The following ZBTB20 variants were observed in gnomAD, a reference collection of about 807,000 sequenced individuals.
ZBTB20 encodes the protein zinc finger and BTB domain-containing protein 20.
Under a neutral mutation model 56.9 loss-of-function variants are expected in ZBTB20, and 9 were observed. The ratio of observed to expected loss-of-function variants is 0.16; its 90% CI spans 0.10 to 0.28. The LOEUF is 0.28. Among genes scored for constraint, ZBTB20 ranks in the 10% least tolerant of loss-of-function variants. ZBTB20 has a pLI of 1.00. For synonymous variants in ZBTB20, 417 were observed against 420.7 expected (o/e 0.99, Z 0.11); for missense variants, 655 against 1,003.0 (o/e 0.65, Z 4.69).
intron 6 of ZBTB20, among the ~76,000 whole-genome samples, chr3:114,568,248 C>T (rs185735435): frequency 1.1e-4 from 16 of 152,198 alleles, no homozygotes; most frequent in East Asian, 1.9e-4. Flanking sequence ...TTGAAGTATG[C>T]GCAAGAAAAT....
intron 4 of ZBTB20, among the ~76,000 whole-genome samples, chr3:114,819,250 G>A (rs1475845216): frequency 6.6e-6 from 1 of 151,866 alleles, no homozygotes; most frequent in Non-Finnish European, 1.5e-5. Flanking sequence ...GCTTCTGAAT[G>A]GGAAGACTGA....
In ZBTB20 at chr3:114,845,231, T is replaced by C. The variant is rs574107127; in HGVS notation, c.-416-44057A>G. On this transcript the variant is annotated intron_variant, in intron 4 of 11. Transcript: ENST00000675478. ...ACATTAGGTATCAATAAACATCTGATGGATAAATTAAAATTTCAAATAGTG... is the reference window on the plus strand; with the variant it reads ...ACATTAGGTATCAATAAACATCTGACGGATAAATTAAAATTTCAAATAGTG... Among the ~76,000 whole-genome samples the C allele has an allele frequency of 1.4e-3, 218 of 151,554 alleles. 1 individual carries two copies. Among genetic ancestry groups the C allele is most frequent in the Middle Eastern group, 6.8e-3 (2 of 294 alleles).
intron 6 of ZBTB20, among the ~76,000 whole-genome samples, chr3:114,639,741 A>C (rs145627345): frequency 6.6e-6 from 1 of 152,004 alleles, no homozygotes; most frequent in Non-Finnish European, 1.5e-5. Flanking sequence ...ACGAGTTCAT[A>C]TCTCTCTCCC....
intron 2 of ZBTB20, among the ~76,000 whole-genome samples, chr3:115,009,273 G>A (rs1274235319): frequency 2.6e-5 from 4 of 151,680 alleles, no homozygotes; most frequent in Non-Finnish European, 5.9e-5. Context: ...TAAAAATTGT[G>A]TGAGTAAAAA....
intron 5 of ZBTB20, among the ~76,000 whole-genome samples, chr3:114,704,125 GT>G (rs2063567838): frequency 6.6e-6 from 1 of 151,968 alleles, no homozygotes; most frequent in African/African-American, 2.4e-5. Context: ...TGAAAGAAAG[GT>G]TATTTTCTTA....
At chr3:115,001,988 G>T (rs2079270104) in intron 2 of ZBTB20, among the ~76,000 whole-genome samples, 1 of 151,298 alleles carries the variant, frequency 6.6e-6, no homozygotes, top group African/African-American at 2.4e-5. Flanking sequence ...CAACCCCAAG[G>T]CTTACTATAT....
At chr3:115,003,537 T>C (rs1467499748) in intron 2 of ZBTB20, among the ~76,000 whole-genome samples, 2 of 151,580 alleles carry the variant, frequency 1.3e-5, no homozygotes, top group Non-Finnish European at 3.0e-5. Context: ...ATAAAACAAC[T>C]AAGTTTAAGA....
At position 114,946,622 on chromosome 3, in the gene ZBTB20, T is replaced by C. The variant is rs138010894; in HGVS notation, c.-456+27744A>G. Among the ~76,000 whole-genome samples, 51 of 145,498 alleles carry C rather than the reference T, an allele frequency of 3.5e-4. 1 individual carries two copies. In the East Asian group the frequency reaches 7.9e-3, roughly 23 times the overall value. On this transcript the variant is annotated intron_variant, in intron 3 of 11. Transcript: ENST00000675478. ...TAAACTTGAAAAAATTGATGAAACATATAAATCCCCTGAAAAACACATATT... is the reference window on the plus strand; with the variant it reads ...TAAACTTGAAAAAATTGATGAAACACATAAATCCCCTGAAAAACACATATT...
At chr3:114,572,099 A>G (rs978877437) in intron 6 of ZBTB20, among the ~76,000 whole-genome samples, 1 of 151,554 alleles carries the variant, frequency 6.6e-6, no homozygotes, top group African/African-American at 2.4e-5. Flanking sequence ...TACTATTCTC[A>G]TCTTTCAGAT....
At chr3:115,090,467 TTTAGGG>T (rs1471330133) in intron 1 of ZBTB20, among the ~76,000 whole-genome samples, 59 of 151,848 alleles carry the variant, frequency 3.9e-4, no homozygotes, top group African/African-American at 1.3e-3. Context: ...AAATATTAGT[TTTAGGG>T]TAAGTATTAT....
At chr3:114,385,586 G>A (rs1461084165) in intron 8 of ZBTB20, among the ~76,000 whole-genome samples, 2 of 152,110 alleles carry the variant, frequency 1.3e-5, no homozygotes, top group East Asian at 1.9e-4. Flanking sequence ...AGACATTTCC[G>A]GGCAAGGGGT....
At chr3:115,146,644 G>A (rs1446630981) in intron 1 of ZBTB20, among the ~76,000 whole-genome samples, 1 of 152,144 alleles carries the variant, frequency 6.6e-6, no homozygotes, top group Non-Finnish European at 1.5e-5. Context: ...GAGACATCCA[G>A]CGGCTGTGGG....
rs184185193 is a variant in ZBTB20 at position 115,114,219 on chromosome 3, T to C, written c.-703+33000A>G. ...GAGTAAATATGTGTCATTCTCTACG[T>C]CTTGGCTTGGTTTTACACTTTGTAA... On this transcript the variant is annotated intron_variant, in intron 1 of 11. Coordinates refer to ENST00000675478, the MANE Select transcript of ZBTB20 (RefSeq NM_001348800.3). 2.3e-3 allele frequency among the ~76,000 whole-genome samples: 356 copies of C among 152,266 alleles called. 2 individuals carry two copies. The highest frequency in any genetic ancestry group is 8.4e-3 in the African/African-American group (349 of 41,540).
At position 114,795,109 on chromosome 3, in the gene ZBTB20, T is replaced by C. The variant is rs144273274; in HGVS notation, c.-343+5992A>G. Among the ~76,000 whole-genome samples the C allele has an allele frequency of 3.4e-4, 51 of 151,326 alleles. No homozygotes were observed. In the East Asian group the frequency reaches 8.4e-3, roughly 25 times the overall value. On this transcript the variant is annotated intron_variant, in intron 5 of 11. Transcript: ENST00000675478. ...AACTTGACCTTATCTTAGAAGGTTG[T>C]CAGAGATCTACTCTGTTTATGCAAG...
rs561771815 is a variant in ZBTB20 at position 114,321,992 on chromosome 3, T to C, written c.*17013A>G. ...CAGCCTCCAAGCATTTTCCTTGCCATGGGCATGGGCGTTTCAACCACTCCA... is the reference window on the plus strand; with the variant it reads ...CAGCCTCCAAGCATTTTCCTTGCCACGGGCATGGGCGTTTCAACCACTCCA... On this transcript the variant is annotated 3_prime_UTR_variant, in exon 12 of 12. Coordinates refer to ENST00000675478, the MANE Select transcript of ZBTB20 (RefSeq NM_001348800.3). 6 of 152,384 alleles carry C rather than the reference T, an allele frequency of 3.9e-5. No homozygotes were observed. The East Asian group carries it at 5.8e-4, about 15-fold the overall frequency. 9.4% of individuals were successfully genotyped at this position (152,384 alleles called of 1,614,324 possible).
intron 4 of ZBTB20, among the ~76,000 whole-genome samples, chr3:114,862,860 T>C (rs1399123424): frequency 6.6e-6 from 1 of 152,152 alleles, no homozygotes; most frequent in Non-Finnish European, 1.5e-5. Flanking sequence ...ACCCAATATA[T>C]AACCAAATCT....
intron 2 of ZBTB20, among the ~76,000 whole-genome samples, chr3:115,028,925 T>C (rs904990764): frequency 6.6e-6 from 1 of 150,630 alleles, no homozygotes; most frequent in Non-Finnish European, 1.5e-5. Flanking sequence ...AAACAAACTC[T>C]TGCTAGCACT....
chr3:114,959,689 C>CTA (rs1019086573), intron 3 of ZBTB20, among the ~76,000 whole-genome samples: 1 of 146,128 alleles, frequency 6.8e-6, no homozygotes, highest in Admixed American at 7.0e-5. Context: ...TACACACACA[C>CTA]CACACACACA....
chr3:114,828,783 C>A (rs2073688020), intron 4 of ZBTB20, among the ~76,000 whole-genome samples: 1 of 151,828 alleles, frequency 6.6e-6, no homozygotes, highest in South Asian at 2.1e-4. Flanking sequence ...AATGCTAAGT[C>A]TTTGAAGGCA....
Sources: gnomAD v4.1 joint callset for allele counts (sites outside exome capture counted in the v4.1 genomes callset) on GRCh38, gnomAD v4.1.1 for gene constraint, MANE v1.5 for transcripts, NCBI Gene and HGNC (gene_info 2026-07-23, HGNC 2026-07-21) for gene names.